Variants in DACH2 observed in about 807,000 individuals in gnomAD.
The protein encoded by DACH2 is dachshund family transcription factor 2.
Under a neutral mutation model 35.8 loss-of-function variants are expected in DACH2, and 17 were observed. The ratio of observed to expected loss-of-function variants is 0.48; its 90% confidence interval spans 0.33 to 0.71. DACH2 has a LOEUF of 0.71. Ranked by LOEUF, DACH2 falls within the 30% of genes least tolerant of loss-of-function variation. The pLI, the probability that DACH2 is intolerant of heterozygous loss-of-function variation, is 0.02. For missense variants in DACH2, 469 were observed against 472.7 expected (o/e 0.99, Z 0.07); for synonymous variants, 195 against 177.3 (o/e 1.10, Z -0.79).
At chrX:86,334,426 T>C (rs2035266830) in intron 1 of DACH2, among the ~76,000 whole-genome samples, 1 of 112,000 alleles carries the variant, frequency 8.9e-6, no homozygotes, top group South Asian at 3.7e-4. Flanking sequence ...ATCTGTTGTT[T>C]CCTTACTTTT....
At chrX:86,336,058 T>C (rs2035303401) in intron 1 of DACH2, among the ~76,000 whole-genome samples, 1 of 112,108 alleles carries the variant, frequency 8.9e-6, no homozygotes, top group Non-Finnish European at 1.9e-5. Context: ...CGTTTATTGG[T>C]TTGCATATTT....
chrX:86,202,207 G>A (rs2032173827), intron 1 of DACH2, among the ~76,000 whole-genome samples: 1 of 111,286 alleles, frequency 9.0e-6, no homozygotes, highest in Non-Finnish European at 1.9e-5. Context: ...TTCTGGAAGA[G>A]CATATACTTT....
intron 7 of DACH2, among the ~76,000 whole-genome samples, chrX:86,809,886 G>A (rs777570856): frequency 5.7e-4 from 63 of 110,950 alleles, no homozygotes; most frequent in African/African-American, 1.8e-3. Context: ...GCTTAGATCC[G>A]TGTGCTGTCT....
At chrX:86,590,950 G>T (rs778441465) in intron 3 of DACH2, among the ~76,000 whole-genome samples, 156 of 110,806 alleles carry the variant, frequency 1.4e-3, no homozygotes, top group African/African-American at 4.8e-3. Flanking sequence ...ATCTCCTAAT[G>T]CTATCCCTCC....
At chrX:86,322,740 T>C (rs1431776604) in intron 1 of DACH2, among the ~76,000 whole-genome samples, 1 of 112,377 alleles carries the variant, frequency 8.9e-6, no homozygotes, top group African/African-American at 3.2e-5. Context: ...CTTTATACTC[T>C]GCTGTTATAG....
intron 3 of DACH2, among the ~76,000 whole-genome samples, chrX:86,616,220 C>T (rs1339705480): frequency 1.8e-5 from 2 of 111,574 alleles, no homozygotes; most frequent in Admixed American, 9.6e-5. Context: ...GTGAATAATG[C>T]TGTAATGAAC....
chrX:86,246,707 A>G (rs971713298), intron 1 of DACH2, among the ~76,000 whole-genome samples: 1 of 112,389 alleles, frequency 8.9e-6, no homozygotes, highest in Admixed American at 9.4e-5. Flanking sequence ...AGCCACCACG[A>G]AAACACACTT....
At chrX:86,663,985 G>C (rs2040637715) in intron 4 of DACH2, among the ~76,000 whole-genome samples, 1 of 112,042 alleles carries the variant, frequency 8.9e-6, no homozygotes. Flanking sequence ...TTTTTAACCA[G>C]GAGGCAAAAG....
chrX:86,434,871 C>T (rs866720954), intron 2 of DACH2, among the ~76,000 whole-genome samples: 2 of 111,077 alleles, frequency 1.8e-5, no homozygotes, highest in Admixed American at 9.6e-5. Context: ...ATAATCATGG[C>T]GGAAGGTAAA....
chrX:86,219,664 T>A (rs1002292099), intron 1 of DACH2, among the ~76,000 whole-genome samples: 3 of 111,781 alleles, frequency 2.7e-5, no homozygotes, highest in African/African-American at 9.8e-5. Flanking sequence ...GTCTTTTCAC[T>A]CTGTTGATTG....
chrX:86,828,707 G>C (rs1289834053), intron 11 of DACH2: 1 of 111,147 alleles, frequency 9.0e-6, no homozygotes, highest in Non-Finnish European at 1.9e-5. Context: ...GGCTTGAATT[G>C]CCCAGGAAAT....
chrX:86,289,939 T>G (rs1445588336), intron 1 of DACH2, among the ~76,000 whole-genome samples: 1 of 107,088 alleles, frequency 9.3e-6, no homozygotes, highest in Non-Finnish European at 1.9e-5. Context: ...ATATACCCAG[T>G]AATTGGATGG....
chrX:86,530,484 C>T (rs1176592603), intron 3 of DACH2, among the ~76,000 whole-genome samples: 1 of 111,084 alleles, frequency 9.0e-6, no homozygotes, highest in Non-Finnish European at 1.9e-5. Context: ...CATGGTACTT[C>T]CTTTCTCTCT....
chrX:86,229,428 C>T (rs777224390), intron 1 of DACH2, among the ~76,000 whole-genome samples: 16 of 111,551 alleles, frequency 1.4e-4, no homozygotes, highest in Non-Finnish European at 2.3e-4. Context: ...TCTTTTTGCT[C>T]GGTCTTGCTT....
intron 1 of DACH2, among the ~76,000 whole-genome samples, chrX:86,306,819 C>A (rs1226658136): frequency 1.8e-5 from 2 of 110,966 alleles, no homozygotes; most frequent in Non-Finnish European, 3.8e-5. Flanking sequence ...TCCCAGAGAA[C>A]CTTGACTAAT....
rs35858638 is a variant in DACH2, at chrX:86,562,012, T to TAA, written c.640+47631_640+47632dup. Among the ~76,000 whole-genome samples the TAA allele has an allele frequency of 4.3e-3, 338 of 78,825 alleles. 1 individual carries two copies. The highest frequency in any genetic ancestry group is 0.013 in the African/African-American group (322 of 24,924). 68.5% of individuals were successfully genotyped at this position (78,825 alleles called of 115,157 possible). ...CAATAAATAAATGGAAAATGAAACA[T>TAA]AAAAAAAAAAATCTTTTGAAGGTGT... On this transcript the variant is annotated intron_variant, in intron 3 of 11. Coordinates refer to ENST00000373125, the MANE Select transcript of DACH2 (RefSeq NM_053281.3).
intron 3 of DACH2, among the ~76,000 whole-genome samples, chrX:86,583,391 G>C (rs908952185): frequency 9.1e-6 from 1 of 110,430 alleles, no homozygotes; most frequent in Non-Finnish European, 1.9e-5. Context: ...AAAATTGAAA[G>C]GCATCGAAAT....
At chrX:86,541,979 G>A (rs2038890271) in intron 3 of DACH2, among the ~76,000 whole-genome samples, 1 of 111,865 alleles carries the variant, frequency 8.9e-6, no homozygotes, top group Non-Finnish European at 1.9e-5. Flanking sequence ...TAATTGTGAA[G>A]TATTACACTT....
chrX:86,299,533 A>G (rs976850914), intron 1 of DACH2, among the ~76,000 whole-genome samples: 1 of 111,981 alleles, frequency 8.9e-6, no homozygotes, highest in Non-Finnish European at 1.9e-5. Context: ...GTGTGTTGAG[A>G]TATGATTACT....
Sources: gnomAD v4.1 joint callset for allele counts (sites outside exome capture counted in the v4.1 genomes callset) on GRCh38, gnomAD v4.1.1 for gene constraint, MANE v1.5 for transcripts, NCBI Gene and HGNC (gene_info 2026-07-23, HGNC 2026-07-21) for gene names.